MTFR1: variants seen among roughly 807,000 people sequenced by gnomAD.
MTFR1 encodes chondrocyte protein with a poly-proline region.
Under a neutral mutation model 38.8 loss-of-function variants are expected in MTFR1, and 28 were observed. The observed-to-expected ratio is 0.72, with a 90% CI of 0.53 to 0.99. The LOEUF is 0.99. Ranked by LOEUF, MTFR1 falls within the 50% of genes least tolerant of loss-of-function variation. The pLI, the probability that MTFR1 is intolerant of heterozygous loss-of-function variation, is 0.00. For synonymous variants in MTFR1, 145 were observed against 137.0 expected, an observed-to-expected ratio of 1.06 and a Z score of -0.41; for missense variants, 358 against 395.5, an observed-to-expected ratio of 0.91 and a Z score of 0.81.
At chr8:65,772,391 C>A (rs1330475986), downstream of MTFR1, among the ~76,000 whole-genome samples, 2 of 152,180 alleles carry the variant, frequency 1.3e-5, no homozygotes, top group African/African-American at 4.8e-5. Flanking sequence ...TTCAGTACCT[C>A]TGAAGGTTTA....
intron 3 of MTFR1, among the ~76,000 whole-genome samples, chr8:65,745,059 G>A (rs1181118710): frequency 6.6e-6 from 1 of 152,126 alleles, no homozygotes; most frequent in Admixed American, 6.5e-5. Context: ...TGTTCTTGTG[G>A]TAGTGGATAA....
chr8:65,763,036 T>C lies in MTFR1; in HGVS notation c.*49-7911T>C, dbSNP rs1020117531. Among the ~76,000 whole-genome samples, 32 of 145,726 alleles carry C rather than the reference T, an allele frequency of 2.2e-4. 1 individual carries two copies. Among genetic ancestry groups the C allele is most frequent in the Admixed American group, 2.0e-3 (30 of 14,676 alleles). On this transcript the variant is annotated intron_variant, in intron 3 of 3. Coordinates refer to the MTFR1 transcript ENST00000521247. ...GTGTGTGTGTGTGTGTGTGTGTGTG[T>C]GTATAAAATGAATATACAGCTTAAA...
At chr8:65,684,511 G>A (rs889686610) in intron 3 of MTFR1, among the ~76,000 whole-genome samples, 1 of 150,614 alleles carries the variant, frequency 6.6e-6, no homozygotes, top group African/African-American at 2.4e-5. Flanking sequence ...TCAGCCTCCC[G>A]AGTAGCTGGG....
At chr8:65,693,600 G>C in intron 3 of MTFR1, 44 bp from the exon 4 acceptor site, 2 of 1,540,416 alleles carry the variant, frequency 1.3e-6, no homozygotes, top group Non-Finnish European at 1.8e-6. Context: ...TTAACATTTT[G>C]GTGCCATCTT....
At chr8:65,692,265 T>C (rs1227893589) in intron 3 of MTFR1, among the ~76,000 whole-genome samples, 1 of 152,226 alleles carries the variant, frequency 6.6e-6, no homozygotes, top group Non-Finnish European at 1.5e-5. Context: ...GGCATTATTA[T>C]ATGTATAACA....
chr8:65,778,505 T>C, the MTFR1 span, among the ~76,000 whole-genome samples: 188 of 152,264 alleles, frequency 1.2e-3, no homozygotes, highest in African/African-American at 4.3e-3. Context: ...CAAGACACTG[T>C]AGAGCACAAG....
chr8:65,729,486 T>C (rs1360540855), intron 3 of MTFR1, among the ~76,000 whole-genome samples: 1 of 151,026 alleles, frequency 6.6e-6, no homozygotes, highest in East Asian at 2.0e-4. Flanking sequence ...GGCACTATCA[T>C]GGAGGAGAGC....
chr8:65,758,369 G>A (rs895044331), intron 3 of MTFR1, among the ~76,000 whole-genome samples: 2 of 152,166 alleles, frequency 1.3e-5, no homozygotes, highest in Non-Finnish European at 2.9e-5. Context: ...ACTGTATCAG[G>A]TAAGGGGGAA....
intron 3 of MTFR1, among the ~76,000 whole-genome samples, chr8:65,757,279 A>G (rs1320614168): frequency 6.6e-6 from 1 of 152,236 alleles, no homozygotes; most frequent in Admixed American, 6.5e-5. Flanking sequence ...CACACTCAAC[A>G]TTACAACAAA....
intron 3 of MTFR1, among the ~76,000 whole-genome samples, chr8:65,764,921 G>A (rs575088225): frequency 5.4e-4 from 82 of 152,264 alleles, no homozygotes; most frequent in African/African-American, 1.9e-3. Context: ...CCTGAACTTG[G>A]TTAACAGTTA....
chr8:65,717,451 CA>C, intron 2 of MTFR1: 1 of 152,318 alleles, frequency 6.6e-6, no homozygotes, highest in Non-Finnish European at 1.5e-5. Context: ...ACTGTAGGAA[CA>C]AAAGGCCTGG....
chr8:65,768,115 G>A (rs1198502501), intron 3 of MTFR1, among the ~76,000 whole-genome samples: 2 of 152,176 alleles, frequency 1.3e-5, no homozygotes, highest in African/African-American at 4.8e-5. Flanking sequence ...CACACATTTG[G>A]TCACAGAAGT....
chr8:65,652,799 T>C lies in MTFR1; in HGVS notation c.-81+8015T>C, dbSNP rs533911809. Among the ~76,000 whole-genome samples, 6 of 152,378 alleles carry C rather than the reference T, an allele frequency of 3.9e-5. 1 individual carries two copies. The highest frequency in any genetic ancestry group is 4.1e-4 in the South Asian group (2 of 4,830). ...TTTCCAAATACAAGATTACATCATC[T>C]GTAAACAAGGATAATTTGACTTCTT... On this transcript the variant is annotated intron_variant, in intron 1 of 7. Transcript: ENST00000262146.
intron 2 of MTFR1, among the ~76,000 whole-genome samples, chr8:65,678,160 T>G (rs1804771991): frequency 6.6e-6 from 1 of 152,186 alleles, no homozygotes; most frequent in Non-Finnish European, 1.5e-5. Flanking sequence ...CAAGACATAG[T>G]TCAGCCACAA....
intron 3 of MTFR1, among the ~76,000 whole-genome samples, chr8:65,751,524 T>G (rs1384285380): frequency 6.6e-6 from 1 of 152,116 alleles, no homozygotes. Context: ...CCATTCTTGT[T>G]GTTCATTCTT....
intron 3 of MTFR1, chr8:65,689,426 T>A: frequency 3.0e-6 from 1 of 336,980 alleles, no homozygotes; most frequent in South Asian, 3.1e-5. Flanking sequence ...TAAATTAAAG[T>A]TGCTTCAGTA....
chr8:65,749,351 A>G (rs1285684071), intron 3 of MTFR1, among the ~76,000 whole-genome samples: 2 of 152,234 alleles, frequency 1.3e-5, no homozygotes, highest in Non-Finnish European at 2.9e-5. Context: ...TGAGGTTCCC[A>G]TACACACAAA....
chr8:65,683,713 T>G (rs1176997583), intron 3 of MTFR1, among the ~76,000 whole-genome samples: 1 of 152,038 alleles, frequency 6.6e-6, no homozygotes. Flanking sequence ...TGAAATCTGT[T>G]TCTTTTTCTT....
chr8:65,773,370 C>A (rs1393970591), downstream of MTFR1, among the ~76,000 whole-genome samples: 2 of 152,174 alleles, frequency 1.3e-5, no homozygotes, highest in Admixed American at 1.3e-4. Context: ...TAGCAAGAGT[C>A]CATTTTCAAC....
Sources: gnomAD v4.1 joint callset for allele counts (sites outside exome capture counted in the v4.1 genomes callset) on GRCh38, gnomAD v4.1.1 for gene constraint, MANE v1.5 for transcripts, NCBI Gene and HGNC (gene_info 2026-07-23, HGNC 2026-07-21) for gene names.